The following ZNF710 variants were observed in gnomAD, a reference collection of about 807,000 sequenced individuals.
ZNF710 encodes the protein zinc finger protein 710.
ZNF710 carries 13 observed loss-of-function variants against 50.6 expected under a neutral mutation model. That is an observed-to-expected ratio of 0.26 (90% CI 0.17 to 0.41). The LOEUF (loss-of-function observed/expected upper bound fraction) is 0.41, where lower values mean the gene tolerates loss of function less well. ZNF710 is among the 10% of genes least tolerant of loss of function. ZNF710 has a pLI of 1.00. For missense variants in ZNF710, 721 were observed against 936.6 expected, an observed-to-expected ratio of 0.77 and a Z score of 3.01; for synonymous variants, 383 against 397.0, an observed-to-expected ratio of 0.96 and a Z score of 0.42.
intron 1 of ZNF710, among the ~76,000 whole-genome samples, chr15:90,017,818 G>C (rs1364198163): frequency 3.9e-5 from 6 of 152,120 alleles, no homozygotes; most frequent in Admixed American, 3.9e-4. Flanking sequence ...TTTGATATCT[G>C]AAATAGACTT....
chr15:90,008,440 A>G (rs1898200919), intron 1 of ZNF710, among the ~76,000 whole-genome samples: 1 of 142,184 alleles, frequency 7.0e-6, no homozygotes, highest in South Asian at 2.1e-4. Flanking sequence ...ATATATATAT[A>G]CATATATATA....
chr15:90,019,510 T>C (rs973178524), intron 1 of ZNF710, among the ~76,000 whole-genome samples: 2 of 152,192 alleles, frequency 1.3e-5, no homozygotes, highest in Non-Finnish European at 2.9e-5. Flanking sequence ...CCCAGACACA[T>C]TGTATCATAT....
At chr15:90,058,701 T>TATATATATA (rs1567236919) in intron 1 of ZNF710, among the ~76,000 whole-genome samples, 9 of 143,528 alleles carry the variant, frequency 6.3e-5, no homozygotes, top group Non-Finnish European at 1.1e-4. Context: ...CACTATATAT[T>TATATATATA]TATATATATA....
chr15:90,047,867 A>G (rs1202064338), intron 1 of ZNF710, among the ~76,000 whole-genome samples: 12 of 152,176 alleles, frequency 7.9e-5, no homozygotes, highest in Non-Finnish European at 1.5e-5. Context: ...GATTACAGGC[A>G]TGAGCCACTG....
intron 1 of ZNF710, among the ~76,000 whole-genome samples, chr15:90,065,899 C>T (rs1347318179): frequency 6.6e-6 from 1 of 152,076 alleles, no homozygotes; most frequent in Non-Finnish European, 1.5e-5. Context: ...AAGACCCCAT[C>T]TCTAATCAAA....
intron 1 of ZNF710, among the ~76,000 whole-genome samples, chr15:90,064,066 G>A (rs1344693091): frequency 6.6e-6 from 1 of 152,224 alleles, no homozygotes; most frequent in Non-Finnish European, 1.5e-5. Context: ...CTTCTTGCTG[G>A]TCCTGCCTTT....
rs567458689 is a variant in ZNF710, at chr15:90,040,313, C to T, written c.-28-26797C>T. On this transcript the variant is annotated intron_variant, in intron 1 of 4. Transcript: ENST00000268154. The surrounding 1 kb of genome is among the most constrained non-coding windows in gnomAD (Gnocchi z 4.6). ...CAGAAACCCTGGTACCCAGATCCCC[C>T]AGTCTCCAGGGAGGTGTCCTTAGTG... Among the ~76,000 whole-genome samples, 48 of 152,332 alleles carry T rather than the reference C, an allele frequency of 3.2e-4. No homozygotes were observed. The East Asian group carries it at 6.9e-3, about 22-fold the overall frequency.
intron 1 of ZNF710, among the ~76,000 whole-genome samples, chr15:90,056,979 C>T (rs1454529442): frequency 1.3e-5 from 2 of 152,146 alleles, no homozygotes; most frequent in African/African-American, 4.8e-5. Flanking sequence ...CCGGTGCCTT[C>T]TGGGATCAGC....
chr15:90,024,357 C>A (rs1012054878), intron 1 of ZNF710, among the ~76,000 whole-genome samples: 1 of 152,190 alleles, frequency 6.6e-6, no homozygotes, highest in Admixed American at 6.5e-5. Flanking sequence ...CCTATGGACC[C>A]GGACCCCACC....
At chr15:90,036,440 C>T (rs1363542582) in intron 1 of ZNF710, among the ~76,000 whole-genome samples, 6 of 152,258 alleles carry the variant, frequency 3.9e-5, no homozygotes, top group African/African-American at 1.2e-4. Flanking sequence ...GCGTCTTCCC[C>T]ACCGAGGGAC....
At chr15:90,019,828 C>T (rs966104233) in intron 1 of ZNF710, among the ~76,000 whole-genome samples, 4 of 152,162 alleles carry the variant, frequency 2.6e-5, no homozygotes, top group African/African-American at 9.7e-5. Context: ...TTAGGGTGCC[C>T]GGGACAGAGA....
At chr15:90,027,026 A>G (rs1224066286) in intron 1 of ZNF710, among the ~76,000 whole-genome samples, 1 of 152,230 alleles carries the variant, frequency 6.6e-6, no homozygotes, top group Non-Finnish European at 1.5e-5. Flanking sequence ...CAACATGATA[A>G]TACTGAAACA....
At chr15:90,058,001 C>T (rs1293866779) in intron 1 of ZNF710, among the ~76,000 whole-genome samples, 7 of 152,194 alleles carry the variant, frequency 4.6e-5, no homozygotes, top group African/African-American at 1.4e-4. Context: ...GGAGGGAGAT[C>T]CTCACACAGG....
chr15:90,053,348 CTTT>C (rs111542346), intron 1 of ZNF710, among the ~76,000 whole-genome samples: 2 of 144,662 alleles, frequency 1.4e-5, no homozygotes, highest in Non-Finnish European at 3.0e-5. Flanking sequence ...CAGTGAATTC[CTTT>C]TTTTTTTTTT....
At chr15:90,012,714 C>T (rs78255696) in intron 1 of ZNF710, among the ~76,000 whole-genome samples, 1,813 of 152,166 alleles carry the variant, frequency 0.012, 13 homozygotes, top group Middle Eastern at 0.034. Flanking sequence ...TTTAGCCCTT[C>T]ACTGAGGTAT....
At chr15:90,029,586 G>C (rs1286450077) in intron 1 of ZNF710, among the ~76,000 whole-genome samples, 1 of 152,134 alleles carries the variant, frequency 6.6e-6, no homozygotes, top group Admixed American at 6.5e-5. Flanking sequence ...GGGAAAGGTA[G>C]CAAGACCCAG....
At chr15:90,053,310 T>C (rs1451777804) in intron 1 of ZNF710, among the ~76,000 whole-genome samples, 1 of 150,588 alleles carries the variant, frequency 6.6e-6, no homozygotes, top group Non-Finnish European at 1.5e-5. Flanking sequence ...CAGCATGGGG[T>C]GGTGAATGGT....
At chr15:90,039,579 G>A (rs564761119) in intron 1 of ZNF710, among the ~76,000 whole-genome samples, 2 of 152,276 alleles carry the variant, frequency 1.3e-5, no homozygotes, top group African/African-American at 4.8e-5. Flanking sequence ...ATCTAATACA[G>A]TCCAATCCAT....
At position 90,062,297 on chromosome 15, in the gene ZNF710, T is replaced by C. The variant is rs895559623; in HGVS notation, c.-28-4813T>C. On this transcript the variant is annotated intron_variant, in intron 1 of 4. Transcript: ENST00000268154. This position sits in a 1 kb window ranked among gnomAD's most constrained non-coding sequence, Gnocchi z 5.6. ...TACAATCAGGCAGCTCATCTGTGTCTATTTCCCCGCCTTTCACATTGACTT... is the reference window on the plus strand; with the variant it reads ...TACAATCAGGCAGCTCATCTGTGTCCATTTCCCCGCCTTTCACATTGACTT... Among the ~76,000 whole-genome samples the C allele has an allele frequency of 6.6e-6, 1 of 152,090 alleles. No homozygotes were observed. The highest frequency in any genetic ancestry group is 2.4e-5 in the African/African-American group (1 of 41,380).
Sources: gnomAD v4.1 joint callset for allele counts (sites outside exome capture counted in the v4.1 genomes callset) on GRCh38, gnomAD v4.1.1 for gene constraint, Gnocchi (gnomAD v3.1) non-coding constraint, MANE v1.5 for transcripts, NCBI Gene and HGNC (gene_info 2026-07-23, HGNC 2026-07-21) for gene names.